Variants in FILIP1 observed in about 807,000 individuals in gnomAD.
FILIP1 encodes filamin-A-interacting protein 1.
FILIP1 carries 61 observed loss-of-function variants against 102.1 expected under a neutral mutation model. The ratio of observed to expected loss-of-function variants is 0.60; its 90% confidence interval spans 0.49 to 0.74. The LOEUF is 0.74. FILIP1 is among the 30% of genes least tolerant of loss of function. The probability of loss-of-function intolerance (pLI) is 0.00; values close to 1 mark genes in which losing one functional copy is unlikely to be tolerated. For synonymous variants in FILIP1, 491 were observed against 526.9 expected, an observed-to-expected ratio of 0.93 and a Z score of 0.93; for missense variants, 1,314 against 1,441.2, an observed-to-expected ratio of 0.91 and a Z score of 1.43.
At chr6:75,478,674 T>G (rs1389110454) in intron 1 of FILIP1, among the ~76,000 whole-genome samples, 1 of 152,224 alleles carries the variant, frequency 6.6e-6, no homozygotes, top group African/African-American at 2.4e-5. Context: ...GTGGCTTGTC[T>G]ATAAATTCGT....
Position 75,452,290 on chromosome 6 carries a change from G to T in FILIP1, c.-6-37312C>A, listed in dbSNP as rs558655515. On this transcript the variant is annotated intron_variant, in intron 1 of 5. Transcript: ENST00000237172. ...CACCCCACAACAGTCCCCGGTGTGTGATATTCCCCTTCCTGTGTCCATGTG... is the reference window on the plus strand; with the variant it reads ...CACCCCACAACAGTCCCCGGTGTGTTATATTCCCCTTCCTGTGTCCATGTG... 1.5e-4 allele frequency among the ~76,000 whole-genome samples: 22 copies of T among 151,672 alleles called. No homozygotes were observed. In the South Asian group the frequency reaches 4.4e-3, roughly 30 times the overall value.
chr6:75,339,980 G>A (rs933229087), intron 4 of FILIP1, among the ~76,000 whole-genome samples: 1 of 151,736 alleles, frequency 6.6e-6, no homozygotes, highest in Non-Finnish European at 1.5e-5. Context: ...ATAATATAAA[G>A]TGTGTCCTGT....
At chr6:75,357,358 G>C (rs1424496292) in intron 3 of FILIP1, 1 of 152,206 alleles carries the variant, frequency 6.6e-6, no homozygotes, top group African/African-American at 2.4e-5. Context: ...AAGTGTTCTG[G>C]GGCCGCCCAG....
chr6:75,373,132 T>C (rs1035359836), intron 2 of FILIP1, among the ~76,000 whole-genome samples: 3 of 152,222 alleles, frequency 2.0e-5, no homozygotes, highest in African/African-American at 7.2e-5. Context: ...ACATGTACCA[T>C]AAGATTGGTG....
intron 1 of FILIP1, among the ~76,000 whole-genome samples, chr6:75,468,422 G>C (rs1240946913): frequency 6.6e-6 from 1 of 152,108 alleles, no homozygotes; most frequent in Non-Finnish European, 1.5e-5. Flanking sequence ...ATATGTGAGA[G>C]GATATTAAAT....
intron 4 of FILIP1, among the ~76,000 whole-genome samples, chr6:75,338,712 T>A (rs1362896142): frequency 1.3e-5 from 2 of 152,244 alleles, no homozygotes; most frequent in East Asian, 3.8e-4. Context: ...TCTGCCAATT[T>A]AGAGCAGAAT....
intron 2 of FILIP1, among the ~76,000 whole-genome samples, chr6:75,374,535 C>G (rs548055059): frequency 2.8e-4 from 42 of 152,192 alleles, no homozygotes; most frequent in African/African-American, 9.9e-4. Flanking sequence ...CGTGCCACCA[C>G]GCCAGACTAA....
chr6:75,442,198 C>T (rs1357730514), intron 1 of FILIP1, among the ~76,000 whole-genome samples: 2 of 151,800 alleles, frequency 1.3e-5, no homozygotes, highest in Admixed American at 6.6e-5. Context: ...GATGGGATGG[C>T]GGCCGGGAAG....
chr6:75,414,469 G>C (rs146077266), intron 2 of FILIP1, among the ~76,000 whole-genome samples: 13 of 152,208 alleles, frequency 8.5e-5, no homozygotes, highest in African/African-American at 3.1e-4. Flanking sequence ...GAAATTTTCT[G>C]CTTCTAGAGA....
chr6:75,436,850 T>C (rs1778042672), intron 1 of FILIP1, among the ~76,000 whole-genome samples: 1 of 152,150 alleles, frequency 6.6e-6, no homozygotes, highest in African/African-American at 2.4e-5. Flanking sequence ...AAAGAAGGAC[T>C]TGATTGGTAG....
rs71002732 is a variant in FILIP1 at position 75,319,831 on chromosome 6, C to CAA, written c.630-4631_630-4630dup. The CAA allele has an allele frequency of 1.5e-3, 524 of 345,092 alleles. 2 individuals are homozygous for CAA. The highest frequency in any genetic ancestry group is 2.2e-3 in the Middle Eastern group (2 of 920). 21.4% of individuals were successfully genotyped at this position (345,092 alleles called of 1,614,324 possible). ...GGCAACAGAGCAAGACTCCGTCCCCCAAAAAAAAAAAGAAAAGAAAAGAAA... is the reference window on the plus strand; with the variant it reads ...GGCAACAGAGCAAGACTCCGTCCCCCAAAAAAAAAAAAAGAAAAGAAAAGAAA... On this transcript the variant is annotated intron_variant, in intron 4 of 5. Transcript: ENST00000237172.
intron 1 of FILIP1, among the ~76,000 whole-genome samples, chr6:75,480,772 G>C (rs1360361791): frequency 6.6e-6 from 1 of 152,114 alleles, no homozygotes; most frequent in African/African-American, 2.4e-5. Context: ...GTGGTTTGAG[G>C]GTCAGGAATT....
intron 4 of FILIP1, among the ~76,000 whole-genome samples, chr6:75,348,289 T>C (rs1218808943): frequency 6.6e-6 from 1 of 152,192 alleles, no homozygotes; most frequent in Non-Finnish European, 1.5e-5. Context: ...AAAAGTCAAG[T>C]TGACTTGAAA....
At chr6:75,428,320 T>C (rs1471284583) in intron 1 of FILIP1, 2 of 152,440 alleles carry the variant, frequency 1.3e-5, no homozygotes, top group South Asian at 2.1e-4. Context: ...TCCAGGAGCA[T>C]ACTGCAAGTG....
At chr6:75,292,140 A>G (rs1772561666) in exon 7 of FILIP1, 1 of 152,238 alleles carries the variant, frequency 6.6e-6, no homozygotes, top group African/African-American at 2.4e-5. Flanking sequence ...AATAAAACTT[A>G]AAAGGAAACA....
intron 2 of FILIP1, among the ~76,000 whole-genome samples, chr6:75,395,978 A>G (rs1376269384): frequency 6.6e-6 from 1 of 152,096 alleles, no homozygotes; most frequent in African/African-American, 2.4e-5. Flanking sequence ...AAAAAAATAA[A>G]GTAGGACAAA....
intron 1 of FILIP1, among the ~76,000 whole-genome samples, chr6:75,468,942 C>A (rs888506053): frequency 1.3e-5 from 2 of 151,852 alleles, no homozygotes; most frequent in African/African-American, 4.8e-5. Flanking sequence ...TATATCCAAC[C>A]AAACTATCAT....
chr6:75,461,507 A>G (rs748347522), intron 1 of FILIP1, among the ~76,000 whole-genome samples: 22 of 152,108 alleles, frequency 1.4e-4, no homozygotes, highest in Non-Finnish European at 2.1e-4. Context: ...CTAAGTTTTC[A>G]TAAGTAAAGA....
At chr6:75,448,304 G>A (rs987278101) in intron 1 of FILIP1, among the ~76,000 whole-genome samples, 2 of 152,060 alleles carry the variant, frequency 1.3e-5, no homozygotes, top group African/African-American at 4.8e-5. Flanking sequence ...TCTACTAATA[G>A]GTGAGAGTTC....
Sources: allele counts gnomAD v4.1 joint callset (sites outside exome capture counted in the v4.1 genomes callset), GRCh38; gene constraint gnomAD v4.1.1; transcripts MANE v1.5; gene names NCBI Gene and HGNC (gene_info 2026-07-23, HGNC 2026-07-21).